FBXL17: variants seen among roughly 807,000 people sequenced by gnomAD.
FBXL17 encodes F-box and leucine rich repeat protein 17, also known as F-box/LRR-repeat protein 17.
Under a neutral mutation model 66.2 loss-of-function variants are expected in FBXL17, and 22 were observed. The ratio of observed to expected loss-of-function variants is 0.33; its 90% CI spans 0.24 to 0.47. The LOEUF (loss-of-function observed/expected upper bound fraction) is 0.47, where lower values mean the gene tolerates loss of function less well. FBXL17 is among the 20% of genes least tolerant of loss of function. The pLI is 1.00. For missense variants in FBXL17, 878 were observed against 948.2 expected (o/e 0.93, Z 0.97); for synonymous variants, 474 against 400.5 (o/e 1.18, Z -2.19).
intron 7 of FBXL17, among the ~76,000 whole-genome samples, chr5:107,913,338 T>G (rs536561499): frequency 6.6e-6 from 1 of 152,212 alleles, no homozygotes; most frequent in East Asian, 1.9e-4. Flanking sequence ...AGAAATGGCA[T>G]GTCAAGTCTT....
At chr5:108,267,879 A>C (rs1424797788) in intron 4 of FBXL17, among the ~76,000 whole-genome samples, 4 of 151,962 alleles carry the variant, frequency 2.6e-5, no homozygotes, top group Non-Finnish European at 4.4e-5. Flanking sequence ...ATTATGAAAA[A>C]CCAATGTTCA....
intron 4 of FBXL17, among the ~76,000 whole-genome samples, chr5:108,242,497 T>C (rs1021746442): frequency 6.6e-6 from 1 of 152,032 alleles, no homozygotes; most frequent in African/African-American, 2.4e-5. Context: ...GCTCGGATTA[T>C]AGGTGTAAGC....
chr5:108,259,892 G>T (rs1437054598), intron 4 of FBXL17, among the ~76,000 whole-genome samples: 1 of 151,992 alleles, frequency 6.6e-6, no homozygotes, highest in Non-Finnish European at 1.5e-5. Context: ...GTTGAAATGT[G>T]CAGTTATCTA....
In FBXL17 at chr5:107,859,390, G is replaced by GTTTTTTTTTTTTTTTTTTTTTTTTTT. The variant is rs549840338; in HGVS notation, c.*2304_*2329dup. The GTTTTTTTTTTTTTTTTTTTTTTTTTT allele has an allele frequency of 3.3e-5, 2 of 60,184 alleles. No homozygotes were observed. The highest frequency in any genetic ancestry group is 2.9e-5 in the Non-Finnish European group (1 of 35,006). 3.7% of individuals were successfully genotyped at this position (60,184 alleles called of 1,614,324 possible). A position where few individuals can be genotyped will look rare whatever the true frequency, so the allele number is the denominator to read the frequency against. ...CTCAAGGTGATGCTTTTTTCTGGCTGTTTTTTTTTTTTTTTTTTTTTTTTT... is the reference window on the plus strand; with the variant it reads ...CTCAAGGTGATGCTTTTTTCTGGCTGTTTTTTTTTTTTTTTTTTTTTTTTTTTTTTTTTTTTTTTTTTTTTTTTTTT... On this transcript the variant is annotated 3_prime_UTR_variant, in exon 9 of 9. Coordinates refer to ENST00000542267, the MANE Select transcript of FBXL17 (RefSeq NM_001163315.3).
intron 4 of FBXL17, among the ~76,000 whole-genome samples, chr5:108,232,280 T>A (rs1178033904): frequency 6.6e-6 from 1 of 152,196 alleles, no homozygotes; most frequent in East Asian, 1.9e-4. Flanking sequence ...ATTGGTGTGT[T>A]TCCAGTTGTA....
intron 1 of FBXL17, among the ~76,000 whole-genome samples, chr5:108,377,189 T>G (rs1024096880): frequency 1.3e-5 from 2 of 152,222 alleles, no homozygotes; most frequent in African/African-American, 4.8e-5. Context: ...AGAATTCTCA[T>G]CTGCCTTGGC....
At chr5:108,252,505 T>C (rs139844249) in intron 4 of FBXL17, among the ~76,000 whole-genome samples, 1 of 152,270 alleles carries the variant, frequency 6.6e-6, no homozygotes, top group African/African-American at 2.4e-5. Flanking sequence ...AGTATTATTT[T>C]CAAATTGCTT....
chr5:108,170,588 C>T (rs1185149976), intron 6 of FBXL17, among the ~76,000 whole-genome samples: 1 of 152,064 alleles, frequency 6.6e-6, no homozygotes, highest in Non-Finnish European at 1.5e-5. Flanking sequence ...GGCTGGAGTG[C>T]AATGGTGCCA....
intron 4 of FBXL17, among the ~76,000 whole-genome samples, chr5:108,269,658 G>A (rs1757185967): frequency 6.6e-6 from 1 of 151,932 alleles, no homozygotes; most frequent in Non-Finnish European, 1.5e-5. Context: ...CACCCTCTAT[G>A]CCCCTCTTCC....
chr5:108,309,721 C>G (rs1759024395), intron 4 of FBXL17, among the ~76,000 whole-genome samples: 1 of 151,876 alleles, frequency 6.6e-6, no homozygotes, highest in Non-Finnish European at 1.5e-5. Flanking sequence ...TGAAAATATT[C>G]ACTCAGGTAC....
chr5:108,349,469 C>T (rs376480006), intron 3 of FBXL17, among the ~76,000 whole-genome samples: 5 of 152,032 alleles, frequency 3.3e-5, no homozygotes, highest in South Asian at 2.1e-4. Flanking sequence ...GTAATGACAT[C>T]AGAAATATAT....
chr5:108,052,112 CAAAAAAAA>C (rs144705189), intron 6 of FBXL17, among the ~76,000 whole-genome samples: 12 of 102,194 alleles, frequency 1.2e-4, no homozygotes, highest in Non-Finnish European at 2.1e-4. Flanking sequence ...GACTTCGTCT[CAAAAAAAA>C]AAAAAAAAAA....
At chr5:108,320,430 A>G (rs1759563755) in intron 4 of FBXL17, among the ~76,000 whole-genome samples, 1 of 151,764 alleles carries the variant, frequency 6.6e-6, no homozygotes, top group Non-Finnish European at 1.5e-5. Flanking sequence ...AAATACATAC[A>G]GCTCTTGGAA....
chr5:107,873,539 C>T (rs1748521699), intron 8 of FBXL17, among the ~76,000 whole-genome samples: 1 of 152,194 alleles, frequency 6.6e-6, no homozygotes, highest in South Asian at 2.1e-4. Context: ...TGAAGACCTG[C>T]TGCTGCTGGA....
chr5:107,889,883 G>T (rs1383501929), intron 7 of FBXL17, among the ~76,000 whole-genome samples: 1 of 152,126 alleles, frequency 6.6e-6, no homozygotes, highest in South Asian at 2.1e-4. Flanking sequence ...TTCCAAAAAT[G>T]TCAAAAACAA....
chr5:108,065,441 C>T (rs1041262335), intron 6 of FBXL17, among the ~76,000 whole-genome samples: 3 of 152,170 alleles, frequency 2.0e-5, no homozygotes, highest in Admixed American at 1.3e-4. Context: ...ATTGTTCTCA[C>T]ATTTTATCAG....
At chr5:108,322,051 C>T (rs545300602) in intron 4 of FBXL17, among the ~76,000 whole-genome samples, 1 of 151,878 alleles carries the variant, frequency 6.6e-6, no homozygotes, top group South Asian at 2.1e-4. Flanking sequence ...AACAACACAC[C>T]ACTGGCAAGA....
chr5:107,924,796 C>G (rs941889835), intron 7 of FBXL17, among the ~76,000 whole-genome samples: 1 of 152,150 alleles, frequency 6.6e-6, no homozygotes. Context: ...ACGAAATTCT[C>G]GAGACCAGTT....
chr5:108,313,514 T>C (rs1289299764), intron 4 of FBXL17, among the ~76,000 whole-genome samples: 1 of 152,084 alleles, frequency 6.6e-6, no homozygotes, highest in African/African-American at 2.4e-5. Context: ...CCAACAACTG[T>C]AAAATATGCC....
Sources: gnomAD v4.1 joint callset for allele counts (sites outside exome capture counted in the v4.1 genomes callset) on GRCh38, gnomAD v4.1.1 for gene constraint, MANE v1.5 for transcripts, NCBI Gene and HGNC (gene_info 2026-07-23, HGNC 2026-07-21) for gene names.